Variants in SRRM3 observed in about 807,000 individuals in gnomAD.
The protein encoded by SRRM3 is serine/arginine repetitive matrix protein 3.
In SRRM3, 27 loss-of-function variants were observed where a neutral mutation model predicts 66.2. The ratio of observed to expected loss-of-function variants is 0.41; its 90% CI spans 0.30 to 0.56. The LOEUF (loss-of-function observed/expected upper bound fraction) is 0.56, where lower values mean the gene tolerates loss of function less well. Among genes scored for constraint, SRRM3 ranks in the 20% least tolerant of loss-of-function variants. SRRM3 has a pLI of 0.32. For synonymous variants in SRRM3, 391 were observed against 414.9 expected, an observed-to-expected ratio of 0.94 and a Z score of 0.70; for missense variants, 918 against 991.9, an observed-to-expected ratio of 0.93 and a Z score of 1.00.
rs1802558150 is a variant in SRRM3 at position 76,282,751 on chromosome 7, C to A, written c.1474C>A (p.Pro492Thr). The A allele has an allele frequency of 6.8e-7, 1 of 1,464,938 alleles. No homozygotes were observed. The highest frequency in any genetic ancestry group is 1.3e-5 in the South Asian group (1 of 77,374). 90.7% of individuals were successfully genotyped at this position (1,464,938 alleles called of 1,614,324 possible). ...GPEGKSSSRS[P>T]GPHPRSWSSS... is the part of the protein sequence containing the mutation. Reference sequence around the variant, plus strand: ...AGAAGGGAAGAGCTCGTCGCGCAGCCCCGGCCCGCACCCCCGCTCCTGGAG... The same window carrying A: ...AGAAGGGAAGAGCTCGTCGCGCAGCACCGGCCCGCACCCCCGCTCCTGGAG... Residue 492 changes from proline to threonine, a missense_variant, in exon 13 of 15, where the codon CCC becomes ACC. Physicochemically the swap from Pro to Thr is conservative, Grantham distance 38. Transcript: ENST00000611745.
intron 1 of SRRM3, among the ~76,000 whole-genome samples, chr7:76,224,944 C>T (rs1800818934): frequency 6.6e-6 from 1 of 152,218 alleles, no homozygotes; most frequent in Non-Finnish European, 1.5e-5. Context: ...AACTTCCCCA[C>T]ATCCCGTTAT....
At chr7:76,274,970 G>T (rs548891662) in intron 11 of SRRM3, among the ~76,000 whole-genome samples, 5 of 152,240 alleles carry the variant, frequency 3.3e-5, no homozygotes, top group African/African-American at 9.6e-5. Context: ...GCCGGGCATG[G>T]TGTTACATGC....
chr7:76,253,395 G>T (rs1433859096), intron 3 of SRRM3, among the ~76,000 whole-genome samples: 3 of 152,138 alleles, frequency 2.0e-5, no homozygotes, highest in Admixed American at 2.0e-4. Context: ...GCTGAGGCAG[G>T]TGGATCATGA....
At position 76,261,643 on chromosome 7, in the gene SRRM3, G is replaced by A. The variant is rs113040558; in HGVS notation, c.674+62G>A. 5.3e-4 allele frequency: 814 copies of A among 1,547,660 alleles called. No individual in the cohort carries two copies. In the African/African-American group the frequency reaches 9.0e-3, roughly 17 times the overall value. On this transcript the variant is annotated intron_variant, in intron 8 of 14. Coordinates refer to ENST00000611745, the MANE Select transcript of SRRM3 (RefSeq NM_001110199.3). The stretch of plus-strand genomic sequence containing the variant: ...CCTTAAGGACCAAAGCCCAAAGGAC[G>A]CAATGATGGGAGGGGGTTTTGAGGG...
At position 76,230,239 on chromosome 7, in the gene SRRM3, C is replaced by T. The variant is rs539478499; in HGVS notation, c.-39-4789C>T. ...AGCCCTGTGATTCTCCACTAAATACCTACATCTAACATGACATTGATCCAT... is the reference window on the plus strand; with the variant it reads ...AGCCCTGTGATTCTCCACTAAATACTTACATCTAACATGACATTGATCCAT... On this transcript the variant is annotated intron_variant, in intron 1 of 14. Coordinates refer to ENST00000611745, the MANE Select transcript of SRRM3 (RefSeq NM_001110199.3). 5.3e-5 allele frequency among the ~76,000 whole-genome samples: 8 copies of T among 152,218 alleles called. No individual in the cohort carries two copies. The East Asian group carries it at 1.2e-3, about 22-fold the overall frequency.
intron 1 of SRRM3, among the ~76,000 whole-genome samples, chr7:76,203,494 G>A (rs1375874303): frequency 2.0e-5 from 3 of 152,186 alleles, no homozygotes; most frequent in Admixed American, 6.5e-5. Context: ...TAAAATGCTG[G>A]GTGAGTGTTA....
At chr7:76,265,854 A>AT (rs1563634641) in intron 10 of SRRM3, among the ~76,000 whole-genome samples, 200 of 9,942 alleles carry the variant, frequency 0.02, 4 homozygotes, top group East Asian at 0.062. Context: ...ATATATATAT[A>AT]TATATTTTTT....
intron 3 of SRRM3, among the ~76,000 whole-genome samples, chr7:76,255,148 C>CTTTT (rs57880700): frequency 4.5e-3 from 375 of 82,964 alleles, no homozygotes; most frequent in African/African-American, 9.9e-3. Flanking sequence ...TTCTTTCTTT[C>CTTTT]TTTTTTTTTT....
Position 76,260,015 on chromosome 7 carries a change from C to CGCGGCCACCGCGGGTACAGGTCA in SRRM3, c.452_464+10dup, listed in dbSNP as rs1801813080. 1.9e-6 allele frequency: 3 copies of CGCGGCCACCGCGGGTACAGGTCA among 1,569,468 alleles called. No homozygotes were observed. The highest frequency in any genetic ancestry group is 3.7e-5 in the Admixed American group (2 of 54,538). On this transcript the variant is annotated frameshift_variant, in exon 4 of 15. Coordinates refer to ENST00000611745, the MANE Select transcript of SRRM3 (RefSeq NM_001110199.3). LOFTEE classifies it high-confidence loss of function. ...CTGTGACTGCCCGGCCTCCTGCTAC[C>CGCGGCCACCGCGGGTACAGGTCA]GCGGCCACCGCGGGTACAGGTCAGC...
intron 1 of SRRM3, among the ~76,000 whole-genome samples, chr7:76,234,425 C>T (rs111227150): frequency 7.2e-5 from 11 of 152,094 alleles, no homozygotes; most frequent in Admixed American, 6.6e-4. Context: ...GGGTGAGCCC[C>T]GCTTATCTGG....
chr7:76,267,440 G>A lies in SRRM3; in HGVS notation c.1008+5G>A. ...TCGGCGCACAGCCCGCCCGATGTAC[G>A]TACGCTTCGCTTTGCGGAGGGTTCC... On this transcript the variant is annotated splice_donor_5th_base_variant and intron_variant, in intron 11 of 14. Transcript: ENST00000611745. The A allele has an allele frequency of 1.5e-6, 2 of 1,346,296 alleles. No homozygotes were observed. Among genetic ancestry groups the A allele is most frequent in the Non-Finnish European group, 1.9e-6 (2 of 1,053,758 alleles). 83.4% of individuals were successfully genotyped at this position (1,346,296 alleles called of 1,614,324 possible).
At chr7:76,281,831 C>A in intron 12 of SRRM3, 29 bp downstream of exon 12, 1 of 1,271,118 alleles carries the variant, frequency 7.9e-7, no homozygotes, top group Non-Finnish European at 9.9e-7. Flanking sequence ...GAGCTGGACT[C>A]CCGCCCCCAC....
At chr7:76,274,339 G>A (rs532350493) in intron 11 of SRRM3, among the ~76,000 whole-genome samples, 1 of 152,350 alleles carries the variant, frequency 6.6e-6, no homozygotes, top group East Asian at 1.9e-4. Flanking sequence ...GGAGCAACGG[G>A]CACCAGGACT....
chr7:76,283,688 G>A, intron 14 of SRRM3: 3 of 816,776 alleles, frequency 3.7e-6, no homozygotes, highest in Non-Finnish European at 5.3e-6. Context: ...AGGGGGCACA[G>A]CAGTCTGGTC....
chr7:76,255,138 T>C (rs1801676626), intron 3 of SRRM3, among the ~76,000 whole-genome samples: 1 of 112,822 alleles, frequency 8.9e-6, no homozygotes, highest in Non-Finnish European at 1.9e-5. Flanking sequence ...CTTTCTTTCT[T>C]TCTTTCTTTC....
intron 2 of SRRM3, among the ~76,000 whole-genome samples, chr7:76,243,187 G>T (rs1801352571): frequency 6.6e-6 from 1 of 152,196 alleles, no homozygotes; most frequent in African/African-American, 2.4e-5. Context: ...AGAAGCTAAG[G>T]CTGGGAGAAG....
intron 11 of SRRM3, among the ~76,000 whole-genome samples, chr7:76,276,114 A>G (rs1802343375): frequency 6.6e-6 from 1 of 151,940 alleles, no homozygotes; most frequent in South Asian, 2.1e-4. Flanking sequence ...TACACAAGCA[A>G]AAGAAAACAT....
At chr7:76,248,068 T>C (rs1801484523) in intron 2 of SRRM3, 120 bp from the exon 3 acceptor site, 2 of 712,780 alleles carry the variant, frequency 2.8e-6, no homozygotes, top group Non-Finnish European at 5.0e-6. Flanking sequence ...GGACAGGTTA[T>C]TGCAAGCCGG....
intron 2 of SRRM3, among the ~76,000 whole-genome samples, chr7:76,242,719 T>TCAGGCATTAGATTCTCACAAGGAGCGTG (rs1801339304): frequency 6.6e-6 from 1 of 152,148 alleles, no homozygotes; most frequent in African/African-American, 2.4e-5. Context: ...TGACAGATCA[T>TCAGGCATTAGATTCTCACAAGGAGCGTG]CAGGCATTAG....
Sources: allele counts gnomAD v4.1 joint callset (sites outside exome capture counted in the v4.1 genomes callset), GRCh38; gene constraint gnomAD v4.1.1; transcripts MANE v1.5; gene names NCBI Gene and HGNC (gene_info 2026-07-23, HGNC 2026-07-21).